The following CTNNA1 variants were observed in gnomAD, a reference collection of about 807,000 sequenced individuals.
The protein encoded by CTNNA1 is catenin alpha-1.
A neutral mutation model predicts 98.4 loss-of-function variants in CTNNA1; 37 were observed. The ratio of observed to expected loss-of-function variants is 0.38; its 90% CI spans 0.29 to 0.49. The LOEUF (loss-of-function observed/expected upper bound fraction) is 0.49. CTNNA1 is among the 20% of genes least tolerant of loss of function. The pLI, the probability that CTNNA1 is intolerant of heterozygous loss-of-function variation, is 0.95. For missense variants in CTNNA1, 761 were observed against 1,147.2 expected (o/e 0.66, Z 4.86); for synonymous variants, 404 against 413.2 (o/e 0.98, Z 0.27).
chr5:138,784,609 T>C (rs1337626183), intron 3 of CTNNA1, among the ~76,000 whole-genome samples: 2 of 152,220 alleles, frequency 1.3e-5, no homozygotes, highest in Non-Finnish European at 2.9e-5. Flanking sequence ...TTCCTAGGGC[T>C]TCTATAACAT....
intron 7 of CTNNA1, chr5:138,828,011 T>C: frequency 1.7e-5 from 5 of 294,334 alleles, no homozygotes; most frequent in Non-Finnish European, 3.0e-5. Flanking sequence ...TATATATAAA[T>C]GTATATGTAT....
chr5:138,904,575 C>G, intron 10 of CTNNA1, 134 bp downstream of exon 10: 1 of 1,103,734 alleles, frequency 9.1e-7, no homozygotes, highest in Non-Finnish European at 1.3e-6. Flanking sequence ...ATCACTGACA[C>G]AGAACCCACA....
At chr5:138,930,745 G>A in intron 15 of CTNNA1, 85 bp from the exon 16 acceptor site, 1 of 1,532,038 alleles carries the variant, frequency 6.5e-7, no homozygotes, top group East Asian at 2.2e-5. Flanking sequence ...CCCAGGCCAT[G>A]GGGCTTTGTG....
chr5:138,808,695 T>TA (rs3840113), intron 3 of CTNNA1, among the ~76,000 whole-genome samples: 96,259 of 146,900 alleles, frequency 0.66, 31,742 homozygotes, highest in East Asian at 0.89. Flanking sequence ...GAAAGTGCCT[T>TA]AAAAAAAAAA....
At chr5:138,784,424 A>C (rs34052623) in intron 3 of CTNNA1, among the ~76,000 whole-genome samples, 4,258 of 152,280 alleles carry the variant, frequency 0.028, 90 homozygotes, top group Middle Eastern at 0.078. Flanking sequence ...CAGTACCCAT[A>C]AATGGGCAGT....
intron 4 of CTNNA1, among the ~76,000 whole-genome samples, chr5:138,811,763 C>T (rs1288512638): frequency 1.3e-5 from 2 of 152,210 alleles, no homozygotes; most frequent in East Asian, 1.9e-4. Context: ...CAAAAAAATA[C>T]GAAAACCAGT....
chr5:138,799,894 G>GTATGTA (rs1445820943), intron 3 of CTNNA1, among the ~76,000 whole-genome samples: 43 of 38,046 alleles, frequency 1.1e-3, no homozygotes, highest in South Asian at 6.4e-3. Context: ...GTATGTATGT[G>GTATGTA]TGTGTGTATG....
chr5:138,794,570 C>T (rs1377939649), intron 3 of CTNNA1, among the ~76,000 whole-genome samples: 1 of 152,120 alleles, frequency 6.6e-6, no homozygotes, highest in East Asian at 1.9e-4. Flanking sequence ...GTGGGTTATG[C>T]CAAATATATA....
At chr5:138,779,028 G>A (rs1368014403) in intron 1 of CTNNA1, among the ~76,000 whole-genome samples, 2 of 152,028 alleles carry the variant, frequency 1.3e-5, no homozygotes, top group African/African-American at 2.4e-5. Flanking sequence ...ACAAGCAACC[G>A]CCACTACGCC....
rs547195442 is a variant in CTNNA1, at chr5:138,818,317, G to C, written c.588+6015G>C. ...GTGGGTAGAGATAGGGTCTTGTTAC[G>C]TTGTCCAGGCTGGTCCCGAACTCCT... On this transcript the variant is annotated intron_variant, in intron 5 of 17. Coordinates refer to ENST00000302763, the MANE Select transcript of CTNNA1 (RefSeq NM_001903.5). 5.3e-5 allele frequency among the ~76,000 whole-genome samples: 8 copies of C among 150,246 alleles called. No individual in the cohort carries two copies. In the South Asian group the frequency reaches 1.7e-3, roughly 32 times the overall value.
At chr5:138,861,985 T>C (rs1294248311) in intron 7 of CTNNA1, among the ~76,000 whole-genome samples, 2 of 152,206 alleles carry the variant, frequency 1.3e-5, no homozygotes, top group Non-Finnish European at 2.9e-5. Context: ...ATTTTCCTTG[T>C]TGGATAAACT....
intron 9 of CTNNA1, among the ~76,000 whole-genome samples, chr5:138,890,849 T>G (rs951523565): frequency 2.6e-5 from 4 of 152,212 alleles, no homozygotes; most frequent in African/African-American, 9.7e-5. Flanking sequence ...CTTCCATTAC[T>G]ACTGAAATTC....
chr5:138,873,673 G>A lies in CTNNA1; in HGVS notation c.1063-12539G>A, dbSNP rs1452337050. 6 of 1,613,944 alleles carry A rather than the reference G, an allele frequency of 3.7e-6. No homozygotes were observed. The Admixed American group carries it at 1.0e-4, about 27-fold the overall frequency. ...TTGTGAGGGATCTCAGGGAGTTTAA[G>A]ATCTTGGAATCAAGGCTGTTTAACT... is the stretch of plus-strand genomic sequence containing the variant. On this transcript the variant is annotated intron_variant, in intron 7 of 17. Coordinates refer to ENST00000302763, the MANE Select transcript of CTNNA1 (RefSeq NM_001903.5). This position sits in a 1 kb window ranked among gnomAD's most constrained non-coding sequence, Gnocchi z 6.1.
chr5:138,800,298 A>G (rs1219237812), intron 3 of CTNNA1, among the ~76,000 whole-genome samples: 1 of 152,228 alleles, frequency 6.6e-6, no homozygotes, highest in Non-Finnish European at 1.5e-5. Context: ...AGGCATACCT[A>G]TAGACTAGTA....
At chr5:138,923,755 G>A (rs1341604299) in intron 11 of CTNNA1, among the ~76,000 whole-genome samples, 1 of 152,120 alleles carries the variant, frequency 6.6e-6, no homozygotes, top group Non-Finnish European at 1.5e-5. Flanking sequence ...AGATGAGTTC[G>A]AGCAAACCCT....
intron 10 of CTNNA1, among the ~76,000 whole-genome samples, chr5:138,905,595 T>G (rs1432247246): frequency 6.6e-6 from 1 of 152,228 alleles, no homozygotes; most frequent in Non-Finnish European, 1.5e-5. Context: ...GCTCAAGAAC[T>G]TGTCTCCATT....
At chr5:138,786,718 T>G (rs543937158) in intron 3 of CTNNA1, among the ~76,000 whole-genome samples, 2 of 152,254 alleles carry the variant, frequency 1.3e-5, no homozygotes, top group African/African-American at 4.8e-5. Flanking sequence ...CAACCATCAG[T>G]CAGCACACAT....
chr5:138,889,462 A>G (rs1754858604), intron 9 of CTNNA1, among the ~76,000 whole-genome samples: 1 of 152,216 alleles, frequency 6.6e-6, no homozygotes, highest in Non-Finnish European at 1.5e-5. Flanking sequence ...CATCCCTCCA[A>G]TAATGAGCAC....
intron 3 of CTNNA1, among the ~76,000 whole-genome samples, chr5:138,801,160 A>G (rs936751318): frequency 1.3e-5 from 2 of 152,220 alleles, no homozygotes; most frequent in Admixed American, 6.5e-5. Context: ...CCATACTGCA[A>G]TAGCAATAGG....
Sources: gnomAD v4.1 joint callset for allele counts (sites outside exome capture counted in the v4.1 genomes callset) on GRCh38, gnomAD v4.1.1 for gene constraint, Gnocchi (gnomAD v3.1) non-coding constraint, MANE v1.5 for transcripts, NCBI Gene and HGNC (gene_info 2026-07-23, HGNC 2026-07-21) for gene names.